The following LRRC41 variants were observed in gnomAD, a reference collection of about 807,000 sequenced individuals.
The protein encoded by LRRC41 is leucine-rich repeat-containing protein 41.
In LRRC41, 17 loss-of-function variants were observed where a neutral mutation model predicts 72.1. The observed-to-expected ratio is 0.24, with a 90% CI of 0.16 to 0.35. The LOEUF is 0.35. LRRC41 is among the 10% of genes least tolerant of loss of function. The pLI is 1.00. For synonymous variants in LRRC41, 427 were observed against 431.0 expected (o/e 0.99, Z 0.11); for missense variants, 759 against 1,065.0 (o/e 0.71, Z 4.00).
chr1:46,302,766 T>A lies in LRRC41; in HGVS notation c.199+358A>T, dbSNP rs1033830515. ...CAGCCGGGCCATCGCTGCCCACCGG[T>A]TCGACATCCGAGACTCTCCTGCCCG... On this transcript the variant is annotated intron_variant, in intron 1 of 9. Coordinates refer to ENST00000617190, the MANE Select transcript of LRRC41 (RefSeq NM_006369.5). The surrounding 1 kb of genome is among the most constrained non-coding windows in gnomAD (Gnocchi z 4.7). The A allele has an allele frequency of 2.4e-5, 24 of 984,936 alleles. No homozygotes were observed. The highest frequency in any genetic ancestry group is 2.9e-5 in the Non-Finnish European group (24 of 829,820). The allele number at this position is 984,936 out of a possible 1,614,324, so 61.0% of individuals were successfully genotyped here.
chr1:46,278,184 C>T lies in LRRC41; in HGVS notation c.*681G>A, dbSNP rs762444770. 5.6e-6 allele frequency: 9 copies of T among 1,613,716 alleles called. No individual in the cohort carries two copies. Among genetic ancestry groups the T allele is most frequent in the South Asian group, 4.4e-5 (4 of 90,930 alleles). On this transcript the variant is annotated 3_prime_UTR_variant, in exon 10 of 10. Transcript: ENST00000617190. ...CCACTGCACTGATAAGTGGGGGCTCCGGGATGAGGTACTCCAGGCTGCCTG... is the reference window on the plus strand; with the variant it reads ...CCACTGCACTGATAAGTGGGGGCTCTGGGATGAGGTACTCCAGGCTGCCTG...
At chr1:46,294,109 A>C (rs1661072906) in intron 3 of LRRC41, among the ~76,000 whole-genome samples, 1 of 149,534 alleles carries the variant, frequency 6.7e-6, no homozygotes, top group Non-Finnish European at 1.5e-5. Context: ...TTTGGTGTTG[A>C]AACTTTTTTG....
At chr1:46,296,153 G>A (rs926633016) in intron 3 of LRRC41, among the ~76,000 whole-genome samples, 1 of 152,150 alleles carries the variant, frequency 6.6e-6, no homozygotes, top group Non-Finnish European at 1.5e-5. Context: ...GGTGGCTCAC[G>A]CCTGTAATCC....
chr1:46,283,001 G>A (rs78689642), intron 4 of LRRC41, among the ~76,000 whole-genome samples: 1 of 149,528 alleles, frequency 6.7e-6, no homozygotes, highest in African/African-American at 2.5e-5. Flanking sequence ...TCCAGCCTGG[G>A]TGACAACAGA....
intron 4 of LRRC41, among the ~76,000 whole-genome samples, chr1:46,281,800 C>T (rs995685350): frequency 1.1e-4 from 16 of 152,178 alleles, no homozygotes; most frequent in South Asian, 2.1e-4. Context: ...CCCAGCTAGC[C>T]GGGAGCGGTG....
intron 4 of LRRC41, among the ~76,000 whole-genome samples, chr1:46,283,708 CTTTTT>C (rs34412540): frequency 1.4e-5 from 2 of 143,394 alleles, no homozygotes; most frequent in African/African-American, 5.1e-5. Context: ...GAGGAGAAAA[CTTTTT>C]TTTTTTTTTT....
intron 1 of LRRC41, among the ~76,000 whole-genome samples, chr1:46,301,687 C>A (rs1228622333): frequency 2.0e-5 from 3 of 152,028 alleles, no homozygotes; most frequent in Non-Finnish European, 2.9e-5. Context: ...TCAAACTCCG[C>A]GCCCTGCAAC....
At chr1:46,281,701 C>G (rs142561216) in intron 4 of LRRC41, among the ~76,000 whole-genome samples, 3 of 152,330 alleles carry the variant, frequency 2.0e-5, no homozygotes, top group African/African-American at 7.2e-5. Flanking sequence ...TAGCAGTTCT[C>G]TGGATTTCTG....
In LRRC41 at chr1:46,302,320, T is replaced by C; in HGVS notation, c.199+804A>G. ...TTCCCGCCTGTCCGTCATTCGAGCC[T>C]CCCTCGCTTGTTTAAGCCGCTCCGG... On this transcript the variant is annotated intron_variant, in intron 1 of 9. Transcript: ENST00000617190. The surrounding 1 kb of genome is among the most constrained non-coding windows in gnomAD (Gnocchi z 4.7). The C allele has an allele frequency of 1.0e-6, 1 of 985,170 alleles. No homozygotes were observed. Among genetic ancestry groups the C allele is most frequent in the Middle Eastern group, 5.2e-4 (1 of 1,912 alleles). 61.0% of individuals were successfully genotyped at this position (985,170 alleles called of 1,614,324 possible).
At position 46,285,688 on chromosome 1, in the gene LRRC41, C is replaced by T. The variant is rs768496793; in HGVS notation, c.1169G>A (p.Arg390His). The T allele has an allele frequency of 1.9e-5, 31 of 1,613,968 alleles. No homozygotes were observed. Among genetic ancestry groups the T allele is most frequent in the Admixed American group, 3.3e-5 (2 of 59,968 alleles). The change falls in exon 4 of 10, where the codon CGT (arginine) becomes CAT (histidine). Residue 390 changes from arginine to histidine, a missense_variant. By Grantham distance (29) the Arg-to-His change is conservative. This residue lies in a region of LRRC41 where 427 missense variants were observed against 520.9 expected (regional missense o/e 0.82). Coordinates refer to ENST00000617190, the MANE Select transcript of LRRC41 (RefSeq NM_006369.5). This position sits in a 1 kb window ranked among gnomAD's most constrained non-coding sequence, Gnocchi z 5.3. ...SSAPQPKPLKRFKRAAGKKGA... is the reference protein window; with the variant it reads ...SSAPQPKPLKHFKRAAGKKGA... Reference sequence around the variant, plus strand: ...CTTCTTCCCTGCAGCTCGCTTGAAACGCTTTAGGGGCTTAGGCTGTGGGGC... The same window carrying T: ...CTTCTTCCCTGCAGCTCGCTTGAAATGCTTTAGGGGCTTAGGCTGTGGGGC...
At position 46,303,160 on chromosome 1, in the gene LRRC41, T is replaced by C; in HGVS notation, c.163A>G (p.Ser55Gly). 6.5e-7 allele frequency: 1 copy of C among 1,535,480 alleles called. No homozygotes were observed. Among genetic ancestry groups the C allele is most frequent in the Non-Finnish European group, 8.7e-7 (1 of 1,147,644 alleles). Residue 55 changes from serine (S) to glycine (G), a missense_variant, in exon 1 of 10, where the codon AGC (serine) becomes GGC (glycine). Transcript: ENST00000617190. Reference protein sequence around the residue: ...ALFELCGRAVSAHMGVLESGV... With the variant: ...ALFELCGRAVGAHMGVLESGV... The stretch of plus-strand genomic sequence containing the variant: ...CTCTCCAGAACCCCCATATGGGCGC[T>C]CACCGCCCGCCCGCACAGCTCGAAC...
At chr1:46,298,090 A>G (rs916312037) in intron 2 of LRRC41, among the ~76,000 whole-genome samples, 194 bp downstream of exon 2, 32 of 152,188 alleles carry the variant, frequency 2.1e-4, no homozygotes, top group Admixed American at 9.8e-4. Flanking sequence ...TCTCACTTTT[A>G]TCAGTATAAT....
rs2148317110 is a variant in LRRC41, at chr1:46,286,564, CTT to C, written c.358-67_358-66del. On this transcript the variant is annotated intron_variant, in intron 3 of 9. Transcript: ENST00000617190. The surrounding 1 kb of genome is among the most constrained non-coding windows in gnomAD (Gnocchi z 5.5). The stretch of plus-strand genomic sequence containing the variant: ...CATGAAACTGTCCAAATTTCCCTCT[CTT>C]CCAATAGCACACTATTTACTGAGTC... 1 of 1,422,178 alleles carries C rather than the reference CTT, an allele frequency of 7.0e-7. No individual in the cohort carries two copies. 88.1% of individuals were successfully genotyped at this position (1,422,178 alleles called of 1,614,324 possible).
rs189073525 is a variant in LRRC41 at position 46,287,508 on chromosome 1, A to T, written c.358-1009T>A. 1.8e-4 allele frequency among the ~76,000 whole-genome samples: 28 copies of T among 152,314 alleles called. 1 individual carries two copies. In the East Asian group the frequency reaches 4.6e-3, roughly 25 times the overall value. On this transcript the variant is annotated intron_variant, in intron 3 of 9. Transcript: ENST00000617190. ...TGTCCCCAAAGTAGTGTTGTAAAAC[A>T]CTAATTACATCATACTGCTTTAAAA... is the stretch of plus-strand genomic sequence containing the variant.
Position 46,303,270 on chromosome 1 carries a change from G to A in LRRC41, c.53C>T (p.Ala18Val). The A allele has an allele frequency of 6.5e-7, 1 of 1,545,004 alleles. No individual in the cohort carries two copies. Among genetic ancestry groups the A allele is most frequent in the Non-Finnish European group, 8.7e-7 (1 of 1,146,194 alleles). Residue 18 changes from alanine (A) to valine (V), a missense_variant, in exon 1 of 10, where the codon GCG (alanine) becomes GTG (valine). Physicochemically the swap from Ala to Val is moderately conservative, Grantham distance 64. Coordinates refer to ENST00000617190, the MANE Select transcript of LRRC41 (RefSeq NM_006369.5). Reference protein sequence around the residue: ...RARSCWFCEVAAATTMEATSR... With the variant: ...RARSCWFCEVVAATTMEATSR... The stretch of plus-strand genomic sequence containing the variant: ...CGTGGCCTCCATGGTCGTTGCCGCC[G>A]CTACCTCACAGAACCAGCAACTCCG...
rs780586234 is a variant in LRRC41, at chr1:46,279,201, G to C, written c.2200C>G (p.Leu734Val). The C allele has an allele frequency of 1.2e-6, 2 of 1,614,164 alleles. No individual in the cohort carries two copies. Among genetic ancestry groups the C allele is most frequent in the Non-Finnish European group, 8.5e-7 (1 of 1,180,022 alleles). ...DVFSEDSSSS[L>V]CQLDISSNCI... ...ATGTACCTGATGTCCAGCTGACAGA[G>C]AGAGGAGGATGAATCCTCTGAGAAA... is the stretch of plus-strand genomic sequence containing the variant. Residue 734 changes from leucine (L) to valine (V), a missense_variant, in exon 9 of 10, where the codon CTC becomes GTC. By Grantham distance (32) the Leu-to-Val change is conservative (BLOSUM62 1). Coordinates refer to ENST00000617190, the MANE Select transcript of LRRC41 (RefSeq NM_006369.5). This position sits in a 1 kb window ranked among gnomAD's most constrained non-coding sequence, Gnocchi z 4.5.
rs773062879 is a variant in LRRC41, at chr1:46,285,717, G to A, written c.1140C>T (p.Ser380=). The A allele has an allele frequency of 1.2e-6, 2 of 1,610,326 alleles. No homozygotes were observed. The highest frequency in any genetic ancestry group is 3.3e-4 in the Middle Eastern group (2 of 6,020). The part of the protein sequence containing the change: ...STSSYKRAPA[S]SAPQPKPLKR... ...TTAGGGGCTTAGGCTGTGGGGCTGA[G>A]CTAGCTGGTGCCCGTTTGTATGAGG... is the stretch of plus-strand genomic sequence containing the variant. The change falls in exon 4 of 10, where the codon AGC becomes AGT. Residue 380 remains serine, a synonymous_variant. Coordinates refer to ENST00000617190, the MANE Select transcript of LRRC41 (RefSeq NM_006369.5). The surrounding 1 kb of genome is among the most constrained non-coding windows in gnomAD (Gnocchi z 5.3).
At chr1:46,287,925 T>A (rs1660919554) in intron 3 of LRRC41, among the ~76,000 whole-genome samples, 1 of 152,186 alleles carries the variant, frequency 6.6e-6, no homozygotes, top group African/African-American at 2.4e-5. Flanking sequence ...GGATAGGAAA[T>A]CTCATCAGAC....
chr1:46,297,738 G>T, intron 2 of LRRC41, 105 bp from the exon 3 acceptor site: 1 of 792,984 alleles, frequency 1.3e-6, no homozygotes, highest in Non-Finnish European at 2.2e-6. Flanking sequence ...ATGGCAGAGT[G>T]ATTAAGGGCA....
Sources: allele counts gnomAD v4.1 joint callset (sites outside exome capture counted in the v4.1 genomes callset), GRCh38; gene constraint gnomAD v4.1.1; regional missense constraint gnomAD v4.1.1; non-coding constraint Gnocchi (gnomAD v3.1); transcripts MANE v1.5; gene names NCBI Gene and HGNC (gene_info 2026-07-23, HGNC 2026-07-21).